The following FAAH2 variants were observed in gnomAD, a reference collection of about 807,000 sequenced individuals.
FAAH2 encodes fatty acid amide hydrolase 2.
Under a neutral mutation model 36.9 loss-of-function variants are expected in FAAH2, and 60 were observed. The observed-to-expected ratio is 1.63, with a 90% CI of 1.32 to 2.02. The LOEUF is 2.02. FAAH2 is among the 30% of genes most tolerant of loss of function. The pLI is 0.00. For synonymous variants in FAAH2, 214 were observed against 143.8 expected, an observed-to-expected ratio of 1.49 and a Z score of -3.49; for missense variants, 689 against 397.5, an observed-to-expected ratio of 1.73 and a Z score of -6.23.
intron 7 of FAAH2, among the ~76,000 whole-genome samples, chrX:57,404,899 G>A: frequency 8.9e-6 from 1 of 112,192 alleles, no homozygotes. Context: ...AATGCCGGGA[G>A]TTCAGGATGA....
chrX:57,238,221 C>T, the FAAH2 span, among the ~76,000 whole-genome samples: 1 of 111,781 alleles, frequency 8.9e-6, no homozygotes, highest in Non-Finnish European at 1.9e-5. Context: ...GCACTATTCA[C>T]AATAGCAAAC....
chrX:57,191,339 A>G, the FAAH2 span, among the ~76,000 whole-genome samples: 1 of 110,945 alleles, frequency 9.0e-6, no homozygotes, highest in Admixed American at 9.6e-5. Context: ...TTATATTATT[A>G]TATTCTTTCC....
At chrX:57,380,862 AG>A (rs2054826078) in intron 6 of FAAH2, 49 bp from the exon 7 acceptor site, 5 of 792,722 alleles carry the variant, frequency 6.3e-6, no homozygotes, top group Non-Finnish European at 9.2e-6. Context: ...TGAACTATTA[AG>A]GATATCTAAA....
chrX:57,293,541 G>T (rs977177667), intron 2 of FAAH2, among the ~76,000 whole-genome samples: 3 of 111,779 alleles, frequency 2.7e-5, no homozygotes, highest in Non-Finnish European at 5.6e-5. Flanking sequence ...GAACTATGGG[G>T]TGGTTCTATG....
the FAAH2 span, among the ~76,000 whole-genome samples, chrX:57,150,582 C>T: frequency 1.8e-4 from 20 of 111,730 alleles, no homozygotes; most frequent in African/African-American, 5.2e-4. Context: ...AGGATTGCAA[C>T]CTCTGCCCTT....
At chrX:57,394,186 T>A in intron 7 of FAAH2, 1 of 652,936 alleles carries the variant, frequency 1.5e-6, no homozygotes, top group Non-Finnish European at 2.6e-6. Flanking sequence ...CACCACCTTT[T>A]ATTCCAAAGG....
At chrX:57,349,369 T>TTA (rs1161304332) in intron 5 of FAAH2, among the ~76,000 whole-genome samples, 3 of 98,313 alleles carry the variant, frequency 3.1e-5, no homozygotes, top group Non-Finnish European at 4.0e-5. Context: ...TTTAAATGTT[T>TTA]TATATATATC....
intron 8 of FAAH2, among the ~76,000 whole-genome samples, chrX:57,444,336 C>T (rs1414490842): frequency 8.9e-6 from 1 of 112,079 alleles, no homozygotes; most frequent in African/African-American, 3.2e-5. Context: ...GCCTCGCTGC[C>T]ACCTTGCAGT....
chrX:57,427,308 C>T (rs780641135), intron 7 of FAAH2, among the ~76,000 whole-genome samples: 1 of 110,432 alleles, frequency 9.1e-6, no homozygotes, highest in African/African-American at 3.3e-5. Flanking sequence ...CAATTCTACC[C>T]AATGTGCAAA....
intron 5 of FAAH2, among the ~76,000 whole-genome samples, chrX:57,346,892 C>T (rs937465929): frequency 3.6e-5 from 4 of 111,365 alleles, no homozygotes; most frequent in Middle Eastern, 9.3e-3. Flanking sequence ...AATACACCCC[C>T]GTGTCTTCTG....
chrX:57,480,240 G>A (rs1198073749), intron 10 of FAAH2, among the ~76,000 whole-genome samples: 1 of 111,703 alleles, frequency 9.0e-6, no homozygotes, highest in Non-Finnish European at 1.9e-5. Flanking sequence ...GAAAAAGAGA[G>A]AATCCTTCCT....
chrX:57,440,008 T>C (rs113982070), intron 8 of FAAH2, among the ~76,000 whole-genome samples: 69 of 111,662 alleles, frequency 6.2e-4, no homozygotes, highest in African/African-American at 2.2e-3. Flanking sequence ...ACTGTAGCCT[T>C]GTAGTATAGT....
chrX:57,151,570 C>T, the FAAH2 span, among the ~76,000 whole-genome samples: 1 of 112,167 alleles, frequency 8.9e-6, no homozygotes, highest in Non-Finnish European at 1.9e-5. Flanking sequence ...GAGTCTTCTG[C>T]ATTGTTCATG....
At chrX:57,461,683 C>T (rs1277761187) in intron 10 of FAAH2, among the ~76,000 whole-genome samples, 1 of 110,582 alleles carries the variant, frequency 9.0e-6, no homozygotes, top group Non-Finnish European at 1.9e-5. Flanking sequence ...GCACTAAATG[C>T]CAAAATCAGA....
intron 7 of FAAH2, chrX:57,393,181 G>A (rs777198267): frequency 1.8e-5 from 21 of 1,184,191 alleles, no homozygotes; most frequent in Admixed American, 2.2e-5. Context: ...ATGCATTCAC[G>A]GCCACTACTA....
intron 2 of FAAH2, among the ~76,000 whole-genome samples, chrX:57,306,674 C>T (rs889341101): frequency 1.2e-5 from 1 of 86,516 alleles, no homozygotes; most frequent in African/African-American, 4.2e-5. Context: ...TTCAGTACAA[C>T]GAGACTAGCA....
chrX:57,367,848 G>A (rs1759521653), intron 5 of FAAH2, among the ~76,000 whole-genome samples: 1 of 111,969 alleles, frequency 8.9e-6, no homozygotes. Flanking sequence ...AGTTTGGAAA[G>A]CTGCCAGGAT....
intron 7 of FAAH2, among the ~76,000 whole-genome samples, chrX:57,426,471 A>C (rs1166878775): frequency 9.0e-6 from 1 of 111,717 alleles, no homozygotes; most frequent in African/African-American, 3.2e-5. Flanking sequence ...GGCTCATGGA[A>C]AATTCTCCAG....
At chrX:57,299,823 G>T (rs2052284718) in intron 2 of FAAH2, among the ~76,000 whole-genome samples, 1 of 111,695 alleles carries the variant, frequency 9.0e-6, no homozygotes, top group African/African-American at 3.3e-5. Context: ...CAGACAAACA[G>T]AGAGCCAAAT....
Sources: allele counts gnomAD v4.1 joint callset (sites outside exome capture counted in the v4.1 genomes callset), GRCh38; gene constraint gnomAD v4.1.1; transcripts MANE v1.5; gene names NCBI Gene and HGNC (gene_info 2026-07-23, HGNC 2026-07-21).